The following TRAPPC9 variants were observed in gnomAD, a reference collection of about 807,000 sequenced individuals.
The protein encoded by TRAPPC9 is IKK2 binding protein.
TRAPPC9 carries 83 observed loss-of-function variants against 124.0 expected under a neutral mutation model. The observed-to-expected ratio is 0.67, with a 90% CI of 0.56 to 0.80. The LOEUF (loss-of-function observed/expected upper bound fraction) is 0.80. Among genes scored for constraint, TRAPPC9 ranks in the 30% least tolerant of loss-of-function variants. The pLI, the probability that TRAPPC9 is intolerant of heterozygous loss-of-function variation, is 0.00. For missense variants in TRAPPC9, 1,302 were observed against 1,508.3 expected (o/e 0.86, Z 2.27); for synonymous variants, 638 against 617.5 (o/e 1.03, Z -0.49).
At chr8:140,369,448 C>T (rs981277036) in intron 8 of TRAPPC9, among the ~76,000 whole-genome samples, 23 of 152,194 alleles carry the variant, frequency 1.5e-4, no homozygotes, top group Middle Eastern at 3.2e-3. Context: ...AACGAACTAC[C>T]TGTTGAATCA....
chr8:140,333,030 G>A (rs7824128), intron 9 of TRAPPC9, among the ~76,000 whole-genome samples: 4,079 of 151,936 alleles, frequency 0.027, 64 homozygotes, highest in Middle Eastern at 0.15. Flanking sequence ...AGAGACTGAG[G>A]CAAGAGAATC....
intron 19 of TRAPPC9, chr8:139,916,691 G>A (rs1486561759): frequency 1.3e-5 from 2 of 152,200 alleles, no homozygotes; most frequent in African/African-American, 4.8e-5. Context: ...ACTAAAAAAA[G>A]GTGCTGTGAT....
chr8:140,110,169 G>C (rs1411199924), intron 17 of TRAPPC9, among the ~76,000 whole-genome samples: 1 of 151,424 alleles, frequency 6.6e-6, no homozygotes, highest in Non-Finnish European at 1.5e-5. Flanking sequence ...TCTTCCCAAA[G>C]AGCCCAGCTG....
At chr8:140,301,032 ATCCAGCTAAAGACTCC>A (rs1391643840) in intron 10 of TRAPPC9, among the ~76,000 whole-genome samples, 1 of 152,092 alleles carries the variant, frequency 6.6e-6, no homozygotes, top group East Asian at 1.9e-4. Context: ...CATGGGGAGG[ATCCAGCTAAAGACTCC>A]TGGCACAGGG....
intron 21 of TRAPPC9, among the ~76,000 whole-genome samples, chr8:139,793,649 C>T (rs1476489231): frequency 6.6e-6 from 1 of 152,176 alleles, no homozygotes; most frequent in Non-Finnish European, 1.5e-5. Context: ...GAAGGAGACA[C>T]AGCTTCCCTG....
At chr8:140,153,302 C>T (rs919201010) in intron 17 of TRAPPC9, among the ~76,000 whole-genome samples, 2 of 152,244 alleles carry the variant, frequency 1.3e-5, no homozygotes, top group African/African-American at 2.4e-5. Flanking sequence ...TCCTAACATA[C>T]GCTGTTACTT....
At chr8:139,903,392 G>A (rs1204528275) in intron 20 of TRAPPC9, among the ~76,000 whole-genome samples, 1 of 152,106 alleles carries the variant, frequency 6.6e-6, no homozygotes, top group African/African-American at 2.4e-5. Flanking sequence ...GCCTTCATGG[G>A]GATCAGCCAA....
rs566494602 is a variant in TRAPPC9 at position 139,993,710 on chromosome 8, G to T, written c.2700-4874C>A. Among the ~76,000 whole-genome samples the T allele has an allele frequency of 2.3e-3, 353 of 152,250 alleles. 1 individual carries two copies. The highest frequency in any genetic ancestry group is 8.1e-3 in the African/African-American group (335 of 41,538). On this transcript the variant is annotated intron_variant, in intron 18 of 22. Transcript: ENST00000438773. ...TGGAAACCTATGCAGAGGTGACAAT[G>T]AATTTAAAAGAACTATATGCCCCAC...
At chr8:140,162,401 A>G (rs1489578087) in intron 17 of TRAPPC9, among the ~76,000 whole-genome samples, 1 of 152,218 alleles carries the variant, frequency 6.6e-6, no homozygotes, top group African/African-American at 2.4e-5. Context: ...AACCTAGGCC[A>G]GTACTGCTTC....
chr8:140,323,260 G>A (rs1306608682), intron 9 of TRAPPC9, among the ~76,000 whole-genome samples: 1 of 152,156 alleles, frequency 6.6e-6, no homozygotes, highest in African/African-American at 2.4e-5. Context: ...CCCACACCTC[G>A]CCCTGGGCAT....
chr8:139,965,651 A>G (rs1835650334), intron 19 of TRAPPC9, among the ~76,000 whole-genome samples: 1 of 73,422 alleles, frequency 1.4e-5, no homozygotes, highest in African/African-American at 3.6e-5. Context: ...TCCATCCCAT[A>G]TCCATTCACA....
chr8:140,326,748 G>T (rs1299749165), intron 9 of TRAPPC9, among the ~76,000 whole-genome samples: 1 of 152,162 alleles, frequency 6.6e-6, no homozygotes, highest in Non-Finnish European at 1.5e-5. Flanking sequence ...GGGCGTAATG[G>T]CATGTGCCTG....
At position 139,977,028 on chromosome 8, in the gene TRAPPC9, G is replaced by T. The variant is rs138124631; in HGVS notation, c.2810+11698C>A. On this transcript the variant is annotated intron_variant, in intron 19 of 22. Coordinates refer to ENST00000438773, the MANE Select transcript of TRAPPC9 (RefSeq NM_001160372.4). ...GGCAGCTACTGGGTCTGGATTATCTGATGAGTAAGACGATTCTGGCCTGAA... is the reference window on the plus strand; with the variant it reads ...GGCAGCTACTGGGTCTGGATTATCTTATGAGTAAGACGATTCTGGCCTGAA... Among the ~76,000 whole-genome samples the T allele has an allele frequency of 2.1e-3, 325 of 152,330 alleles. 1 individual carries two copies. The highest frequency in any genetic ancestry group is 7.5e-3 in the African/African-American group (310 of 41,580).
chr8:139,877,928 T>C (rs1035143187), intron 21 of TRAPPC9, among the ~76,000 whole-genome samples: 4 of 152,178 alleles, frequency 2.6e-5, no homozygotes, highest in African/African-American at 9.7e-5. Flanking sequence ...CAGCGCTGAC[T>C]CCTTGCCAGT....
At chr8:140,171,040 C>A (rs1314213173) in intron 17 of TRAPPC9, among the ~76,000 whole-genome samples, 1 of 152,222 alleles carries the variant, frequency 6.6e-6, no homozygotes, top group East Asian at 1.9e-4. Context: ...CTAAGAATGA[C>A]ATCAAGTTGC....
At chr8:139,854,132 C>T (rs745651195) in intron 21 of TRAPPC9, among the ~76,000 whole-genome samples, 1 of 152,200 alleles carries the variant, frequency 6.6e-6, no homozygotes. Flanking sequence ...ACTCATCACT[C>T]TCTATCTGAT....
chr8:139,938,706 C>T (rs980499611), intron 19 of TRAPPC9, among the ~76,000 whole-genome samples: 7 of 151,200 alleles, frequency 4.6e-5, no homozygotes, highest in Non-Finnish European at 1.0e-4. Context: ...ACTGCAGTGG[C>T]GCAATCTCGG....
At chr8:140,179,993 A>ATTTTTTTTTTTTTTTTTTTT (rs71520259) in intron 17 of TRAPPC9, among the ~76,000 whole-genome samples, 15 of 90,040 alleles carry the variant, frequency 1.7e-4, no homozygotes, top group South Asian at 4.9e-4. Context: ...TTATATCTTG[A>ATTTTTTTTTTTTTTTTTTTT]TTTTTTTTTT....
chr8:140,093,654 C>A (rs1844723323), intron 17 of TRAPPC9, among the ~76,000 whole-genome samples: 1 of 139,288 alleles, frequency 7.2e-6, no homozygotes, highest in African/African-American at 2.8e-5. Flanking sequence ...GGCGAGAGAG[C>A]ACGACTTCGT....
Sources: gnomAD v4.1 joint callset for allele counts (sites outside exome capture counted in the v4.1 genomes callset) on GRCh38, gnomAD v4.1.1 for gene constraint, MANE v1.5 for transcripts, NCBI Gene and HGNC (gene_info 2026-07-23, HGNC 2026-07-21) for gene names.